The following TBC1D1 variants were observed in gnomAD, a reference collection of about 807,000 sequenced individuals.
TBC1D1 encodes the protein TBC1 (tre-2/USP6, BUB2, cdc16) domain family, member 1.
Under a neutral mutation model 125.6 loss-of-function variants are expected in TBC1D1, and 89 were observed. That is an observed-to-expected ratio of 0.71 (90% CI 0.60 to 0.85). TBC1D1 has a LOEUF of 0.85. Ranked by LOEUF, TBC1D1 falls within the 40% of genes least tolerant of loss-of-function variation. The probability of loss-of-function intolerance (pLI) is 0.00; values close to 1 mark genes in which losing one functional copy is unlikely to be tolerated. For missense variants in TBC1D1, 1,377 were observed against 1,469.2 expected, an observed-to-expected ratio of 0.94 and a Z score of 1.03; for synonymous variants, 565 against 564.1, an observed-to-expected ratio of 1.00 and a Z score of -0.02.
At chr4:38,126,162 T>C (rs1295707486) in intron 18 of TBC1D1, among the ~76,000 whole-genome samples, 1 of 152,210 alleles carries the variant, frequency 6.6e-6, no homozygotes, top group African/African-American at 2.4e-5. Flanking sequence ...CTGTTGGTAG[T>C]TGTAACACAA....
chr4:38,046,326 C>G (rs1161027044), intron 10 of TBC1D1, among the ~76,000 whole-genome samples: 2 of 151,212 alleles, frequency 1.3e-5, no homozygotes, highest in Admixed American at 1.3e-4. Context: ...GAGCCAAGAT[C>G]ACGCCACTGC....
At chr4:38,058,579 A>G (rs1333403332) in intron 12 of TBC1D1, among the ~76,000 whole-genome samples, 1 of 152,180 alleles carries the variant, frequency 6.6e-6, no homozygotes, top group East Asian at 1.9e-4. Flanking sequence ...TTTAACACCT[A>G]TTTCAGGTGC....
chr4:38,130,625 G>A (rs1765436159), intron 18 of TBC1D1, among the ~76,000 whole-genome samples: 1 of 152,132 alleles, frequency 6.6e-6, no homozygotes, highest in Non-Finnish European at 1.5e-5. Flanking sequence ...CCCTTGCAGA[G>A]GGGCCAGGTA....
At chr4:38,025,313 T>G (rs1292641736) in intron 6 of TBC1D1, among the ~76,000 whole-genome samples, 1 of 152,240 alleles carries the variant, frequency 6.6e-6, no homozygotes, top group Non-Finnish European at 1.5e-5. Context: ...CATTTTGGCA[T>G]CACCTGGGCC....
At chr4:38,027,546 T>C (rs1745298517) in intron 6 of TBC1D1, among the ~76,000 whole-genome samples, 1 of 152,150 alleles carries the variant, frequency 6.6e-6, no homozygotes, top group South Asian at 2.1e-4. Context: ...GGAGGATTGC[T>C]TGACCCTGGG....
At chr4:37,946,901 A>G (rs1726810472) in intron 2 of TBC1D1, among the ~76,000 whole-genome samples, 1 of 152,216 alleles carries the variant, frequency 6.6e-6, no homozygotes, top group African/African-American at 2.4e-5. Flanking sequence ...CGTCTTGTAC[A>G]CTAAGGTTCC....
intron 12 of TBC1D1, among the ~76,000 whole-genome samples, chr4:38,058,407 T>C (rs1013244257): frequency 6.6e-6 from 1 of 152,222 alleles, no homozygotes; most frequent in African/African-American, 2.4e-5. Context: ...TTGTGCAAAC[T>C]GTCTCCAGCC....
chr4:37,963,375 G>A (rs759296384), intron 2 of TBC1D1, among the ~76,000 whole-genome samples: 5 of 147,720 alleles, frequency 3.4e-5, no homozygotes, highest in African/African-American at 4.9e-5. Context: ...GGCAGAGCAA[G>A]AGCAAGAAAG....
At chr4:37,989,925 C>T in intron 2 of TBC1D1, among the ~76,000 whole-genome samples, 1 of 152,126 alleles carries the variant, frequency 6.6e-6, no homozygotes, top group Non-Finnish European at 1.5e-5. Context: ...AAATAGTTTG[C>T]CAACCAAAGA....
chr4:38,089,153 A>G (rs1758020964), intron 12 of TBC1D1, among the ~76,000 whole-genome samples: 1 of 152,264 alleles, frequency 6.6e-6, no homozygotes, highest in African/African-American at 2.4e-5. Flanking sequence ...GACATGAGTT[A>G]GAGTATGCCG....
Position 38,138,705 on chromosome 4 carries a change from C to T in TBC1D1, c.*1370C>T. On this transcript the variant is annotated 3_prime_UTR_variant, in exon 20 of 20. Coordinates refer to ENST00000261439, the MANE Select transcript of TBC1D1 (RefSeq NM_015173.4). ...GTGCAGTCACAGGTCACTTCCTTGACAACACAATCATTTCTGATCTTTATC... is the reference window on the plus strand; with the variant it reads ...GTGCAGTCACAGGTCACTTCCTTGATAACACAATCATTTCTGATCTTTATC... 1 of 152,772 alleles carries T rather than the reference C, an allele frequency of 6.5e-6. No individual in the cohort carries two copies. 9.5% of individuals were successfully genotyped at this position (152,772 alleles called of 1,614,324 possible).
intron 2 of TBC1D1, among the ~76,000 whole-genome samples, chr4:37,904,671 TTGAAATA>T (rs1263586217): frequency 6.6e-6 from 1 of 152,242 alleles, no homozygotes; most frequent in Non-Finnish European, 1.5e-5. Context: ...AAACCCATGG[TTGAAATA>T]TGAATTAGTT....
chr4:38,094,977 T>C (rs1221667729), intron 13 of TBC1D1, among the ~76,000 whole-genome samples: 1 of 151,718 alleles, frequency 6.6e-6, no homozygotes, highest in Admixed American at 6.6e-5. Context: ...GGTTTAAAAA[T>C]CAAATATTCA....
chr4:37,950,455 A>G (rs370117294), intron 2 of TBC1D1, among the ~76,000 whole-genome samples: 1 of 135,362 alleles, frequency 7.4e-6, no homozygotes, highest in Non-Finnish European at 1.7e-5. Flanking sequence ...TGCAAAAAAA[A>G]AATAGGATTG....
At chr4:38,050,491 C>G (rs971806168) in intron 11 of TBC1D1, among the ~76,000 whole-genome samples, 1 of 152,192 alleles carries the variant, frequency 6.6e-6, no homozygotes, top group African/African-American at 2.4e-5. Context: ...GTTCCTGTGA[C>G]CAGTTAGAAT....
At chr4:37,922,212 T>C (rs920145530) in intron 2 of TBC1D1, among the ~76,000 whole-genome samples, 20 of 152,250 alleles carry the variant, frequency 1.3e-4, no homozygotes, top group African/African-American at 4.8e-4. Flanking sequence ...TCACCCATCT[T>C]TTGTTTTGGT....
chr4:37,982,535 G>A (rs1290849982), intron 2 of TBC1D1, among the ~76,000 whole-genome samples: 1 of 152,186 alleles, frequency 6.6e-6, no homozygotes, highest in Non-Finnish European at 1.5e-5. Context: ...TTCCTGTGGA[G>A]CACTTTTTAT....
intron 2 of TBC1D1, among the ~76,000 whole-genome samples, chr4:37,936,499 G>A (rs1724424873): frequency 1.3e-5 from 2 of 152,198 alleles, no homozygotes; most frequent in Admixed American, 6.5e-5. Flanking sequence ...TCCTAGCAGA[G>A]TGCCTGGAAT....
chr4:37,935,030 A>G (rs1262546214), intron 2 of TBC1D1, among the ~76,000 whole-genome samples: 1 of 152,162 alleles, frequency 6.6e-6, no homozygotes, highest in African/African-American at 2.4e-5. Flanking sequence ...CTGGCCTTGG[A>G]GCACCTGCAC....
Sources: allele counts gnomAD v4.1 joint callset (sites outside exome capture counted in the v4.1 genomes callset), GRCh38; gene constraint gnomAD v4.1.1; transcripts MANE v1.5; gene names NCBI Gene and HGNC (gene_info 2026-07-23, HGNC 2026-07-21).